ZNF609: variants seen among roughly 807,000 people sequenced by gnomAD.
ZNF609 encodes zinc finger protein 609.
In ZNF609, 11 loss-of-function variants were observed where a neutral mutation model predicts 109.5. The observed-to-expected ratio is 0.10, with a 90% CI of 0.06 to 0.17. ZNF609 has a LOEUF of 0.17. Among genes scored for constraint, ZNF609 ranks in the 10% least tolerant of loss-of-function variants. The pLI, the probability that ZNF609 is intolerant of heterozygous loss-of-function variation, is 1.00. For synonymous variants in ZNF609, 646 were observed against 662.0 expected, an observed-to-expected ratio of 0.98 and a Z score of 0.37; for missense variants, 1,559 against 1,772.4, an observed-to-expected ratio of 0.88 and a Z score of 2.16.
intron 3 of ZNF609, among the ~76,000 whole-genome samples, chr15:64,627,191 CA>C (rs560250739): frequency 3.2e-5 from 4 of 123,922 alleles, no homozygotes; most frequent in Admixed American, 8.5e-5. Flanking sequence ...GACTCCGTCT[CA>C]AAAAAAAAAC....
chr15:64,664,602 G>T (rs1157553384), intron 3 of ZNF609, among the ~76,000 whole-genome samples: 1 of 152,168 alleles, frequency 6.6e-6, no homozygotes, highest in Non-Finnish European at 1.5e-5. Flanking sequence ...GGTCTGTTAA[G>T]TGTTATTTGC....
At chr15:64,506,028 A>T (rs1429356370) in intron 2 of ZNF609, among the ~76,000 whole-genome samples, 1 of 152,202 alleles carries the variant, frequency 6.6e-6, no homozygotes, top group African/African-American at 2.4e-5. Context: ...GAGCCAGACT[A>T]CCTGGCTTTG....
At chr15:64,469,593 C>G (rs1282558970) in intron 1 of ZNF609, among the ~76,000 whole-genome samples, 1 of 151,640 alleles carries the variant, frequency 6.6e-6, no homozygotes, top group African/African-American at 2.4e-5. Context: ...CTCTCATACT[C>G]TTTGATTTGT....
rs560644002 is a variant in ZNF609 at position 64,499,004 on chromosome 15, T to C, written c.-127-289T>C. ...TGCCAGCTGACAGTGGTAGTAGAAA[T>C]AGGTCTCTTAGGAGTGGGAAATTAA... On this transcript the variant is annotated intron_variant, in intron 1 of 9. Coordinates refer to ENST00000326648, the MANE Select transcript of ZNF609 (RefSeq NM_015042.2). Among the ~76,000 whole-genome samples, 10 of 152,226 alleles carry C rather than the reference T, an allele frequency of 6.6e-5. No homozygotes were observed. In the East Asian group the frequency reaches 1.9e-3, roughly 29 times the overall value.
intron 2 of ZNF609, among the ~76,000 whole-genome samples, chr15:64,619,503 T>C (rs958982783): frequency 3.3e-5 from 5 of 152,366 alleles, no homozygotes; most frequent in East Asian, 3.9e-4. Context: ...TTAAATACTA[T>C]TATGCTGCTC....
chr15:64,551,120 A>G (rs1281817233), intron 2 of ZNF609, among the ~76,000 whole-genome samples: 2 of 151,992 alleles, frequency 1.3e-5, no homozygotes, highest in East Asian at 1.9e-4. Flanking sequence ...AAGTCTCACT[A>G]TGTTGCCCAG....
chr15:64,467,057 T>A (rs963538669), intron 1 of ZNF609, among the ~76,000 whole-genome samples: 3 of 152,216 alleles, frequency 2.0e-5, no homozygotes, highest in African/African-American at 7.2e-5. Context: ...GGCTAATTTT[T>A]CATGGTTCTC....
chr15:64,539,163 C>CTTATTTATTTAT (rs753926623), intron 2 of ZNF609, among the ~76,000 whole-genome samples: 92 of 135,416 alleles, frequency 6.8e-4, no homozygotes, highest in South Asian at 1.1e-3. Flanking sequence ...GCCACCATGC[C>CTTATTTATTTAT]TTATTTATTT....
Position 64,678,408 on chromosome 15 carries a change from C to T in ZNF609, c.3695C>T (p.Ser1232Phe), listed in dbSNP as rs769598132. ...TACATCCCCTACATGCACGGCTATT[C>T]CTACAGTCAGTCCTACGACCCCAAC... is the stretch of plus-strand genomic sequence containing the variant. ...QSYIPYMHGY[S>F]YSQSYDPNHP... The change falls in exon 6 of 10, where the codon TCC (serine) becomes TTC (phenylalanine). Residue 1232 changes from serine to phenylalanine, a missense_variant. Physicochemically the swap from Ser to Phe is radical, Grantham distance 155. Around this residue, in one of 4 missense-constraint regions of ZNF609, gnomAD observed 1,204 missense variants for 1,314.1 expected, o/e 0.92. Transcript: ENST00000326648. 5 of 1,613,190 alleles carry T rather than the reference C, an allele frequency of 3.1e-6. No homozygotes were observed. The highest frequency in any genetic ancestry group is 1.1e-5 in the South Asian group (1 of 90,952).
intron 2 of ZNF609, among the ~76,000 whole-genome samples, chr15:64,511,423 G>A (rs956819021): frequency 1.3e-5 from 2 of 149,682 alleles, no homozygotes; most frequent in African/African-American, 4.9e-5. Context: ...GGAGGTTGCA[G>A]TGAGCTGAGA....
At chr15:64,481,587 T>A (rs1893255797) in intron 1 of ZNF609, among the ~76,000 whole-genome samples, 1 of 151,588 alleles carries the variant, frequency 6.6e-6, no homozygotes, top group Admixed American at 6.6e-5. Context: ...CCCAAAGTGC[T>A]GGGATTACAG....
chr15:64,570,266 G>GTA (rs925652557), intron 2 of ZNF609, among the ~76,000 whole-genome samples: 1 of 152,150 alleles, frequency 6.6e-6, no homozygotes, highest in African/African-American at 2.4e-5. Context: ...TAAAATCCAG[G>GTA]TAATCTGACT....
At position 64,565,232 on chromosome 15, in the gene ZNF609, G is replaced by GTATTATTAGTATTATTAT. The variant is rs1555419577; in HGVS notation, c.748-57587_748-57586insGTATTATTATTATTATTA. Among the ~76,000 whole-genome samples, 3 of 138,734 alleles carry GTATTATTAGTATTATTAT rather than the reference G, an allele frequency of 2.2e-5. No homozygotes were observed. The East Asian group carries it at 6.1e-4, about 28-fold the overall frequency. The allele number at this position is 138,734 out of a possible 152,430, so 91.0% of individuals were successfully genotyped here. A position where few individuals can be genotyped will look rare whatever the true frequency, so the allele number is the denominator to read the frequency against. On this transcript the variant is annotated intron_variant, in intron 2 of 9. Transcript: ENST00000326648. ...GTGCCACCATGCCTGGCTAATTTTT[G>GTATTATTAGTATTATTAT]TATTATTATTATTATTATTACTATT...
At chr15:64,681,605 C>A in intron 9 of ZNF609, 87 bp from the exon 10 acceptor site, 1 of 419,188 alleles carries the variant, frequency 2.4e-6, no homozygotes, top group Non-Finnish European at 4.3e-6. Context: ...CTGGCCACTC[C>A]TACAATTCAT....
chr15:64,547,881 A>G (rs1279291866), intron 2 of ZNF609, among the ~76,000 whole-genome samples: 1 of 152,326 alleles, frequency 6.6e-6, no homozygotes, highest in Non-Finnish European at 1.5e-5. Flanking sequence ...GAGGCAAAGC[A>G]GGAGGACGGG....
intron 3 of ZNF609, among the ~76,000 whole-genome samples, chr15:64,644,952 CTCTT>C (rs1046574652): frequency 6.0e-5 from 9 of 150,580 alleles, no homozygotes; most frequent in Admixed American, 1.3e-4. Flanking sequence ...AATTTTCTCT[CTCTT>C]TCTTTTCTTT....
In ZNF609 at chr15:64,545,565, A is replaced by G. The variant is rs116524449; in HGVS notation, c.747+45399A>G. Among the ~76,000 whole-genome samples the G allele has an allele frequency of 8.1e-3, 1,241 of 152,316 alleles. 19 individuals carry two copies. The highest frequency in any genetic ancestry group is 0.029 in the African/African-American group (1,194 of 41,570). On this transcript the variant is annotated intron_variant, in intron 2 of 9. Coordinates refer to ENST00000326648, the MANE Select transcript of ZNF609 (RefSeq NM_015042.2). ...AATAAAAATCACTGATTATGAGTGT[A>G]CAGATTGATGACTTTTGTGAAATGG...
intron 1 of ZNF609, among the ~76,000 whole-genome samples, chr15:64,465,313 T>C (rs1339449302): frequency 2.0e-5 from 3 of 152,234 alleles, no homozygotes. Context: ...TTTTATATTA[T>C]GTTTTTATAT....
At chr15:64,661,564 T>C (rs1239104067) in intron 3 of ZNF609, among the ~76,000 whole-genome samples, 2 of 152,240 alleles carry the variant, frequency 1.3e-5, no homozygotes, top group Non-Finnish European at 2.9e-5. Context: ...AAGCAGCATA[T>C]AGGCAAATGC....
Sources: gnomAD v4.1 joint callset for allele counts (sites outside exome capture counted in the v4.1 genomes callset) on GRCh38, gnomAD v4.1.1 for gene constraint, gnomAD v4.1.1 regional missense constraint, MANE v1.5 for transcripts, NCBI Gene and HGNC (gene_info 2026-07-23, HGNC 2026-07-21) for gene names.